Variants in OLFM3 observed in about 807,000 individuals in gnomAD.
The protein encoded by OLFM3 is olfactomedin 3.
A neutral mutation model predicts 48.6 loss-of-function variants in OLFM3; 20 were observed. That is an observed-to-expected ratio of 0.41 (90% CI 0.29 to 0.60). OLFM3 has a LOEUF of 0.60. OLFM3 is among the 20% of genes least tolerant of loss of function. The pLI is 0.28. For missense variants in OLFM3, 437 were observed against 544.3 expected, an observed-to-expected ratio of 0.80 and a Z score of 1.96; for synonymous variants, 222 against 198.1, an observed-to-expected ratio of 1.12 and a Z score of -1.01.
In OLFM3 at chr1:101,836,869, G is replaced by C; in HGVS notation, c.216+10C>G. The stretch of plus-strand genomic sequence containing the variant: ...ACTAAAAATATGCATAGGGGACACA[G>C]GACACCTACCTTTTCCAGTAGTTGG... On this transcript the variant is annotated intron_variant, in intron 2 of 5. Coordinates refer to ENST00000370103, the MANE Select transcript of OLFM3 (RefSeq NM_058170.4). 6.2e-7 allele frequency: 1 copy of C among 1,613,768 alleles called. No homozygotes were observed. Among genetic ancestry groups the C allele is most frequent in the Non-Finnish European group, 8.5e-7 (1 of 1,179,726 alleles).
chr1:101,930,296 C>T (rs1431640799), intron 1 of OLFM3, among the ~76,000 whole-genome samples: 1 of 152,102 alleles, frequency 6.6e-6, no homozygotes, highest in Non-Finnish European at 1.5e-5. Flanking sequence ...TGGCATCTTA[C>T]AGTGCAAGGA....
At chr1:101,920,755 T>C (rs185887852) in intron 1 of OLFM3, among the ~76,000 whole-genome samples, 3 of 152,342 alleles carry the variant, frequency 2.0e-5, no homozygotes, top group African/African-American at 7.2e-5. Flanking sequence ...GAGTTGTCTC[T>C]GGTGCTTTAG....
intron 1 of OLFM3, among the ~76,000 whole-genome samples, chr1:101,844,737 C>T (rs1439812463): frequency 6.6e-6 from 1 of 152,070 alleles, no homozygotes; most frequent in African/African-American, 2.4e-5. Flanking sequence ...TATTATCTGA[C>T]TTAAGACCTC....
chr1:101,823,721 T>A (rs1440743518), intron 4 of OLFM3, among the ~76,000 whole-genome samples: 1 of 151,844 alleles, frequency 6.6e-6, no homozygotes, highest in Non-Finnish European at 1.5e-5. Context: ...AAAACTGGAG[T>A]CACAGAATCT....
At chr1:101,817,103 A>T (rs953566176) in intron 4 of OLFM3, among the ~76,000 whole-genome samples, 2 of 152,158 alleles carry the variant, frequency 1.3e-5, no homozygotes, top group Non-Finnish European at 2.9e-5. Flanking sequence ...AAACAATAAG[A>T]GTCATTTTTT....
intron 1 of OLFM3, among the ~76,000 whole-genome samples, chr1:101,891,412 T>G (rs1393888131): frequency 6.6e-6 from 1 of 151,944 alleles, no homozygotes; most frequent in Non-Finnish European, 1.5e-5. Flanking sequence ...AACATGCTAG[T>G]TATTACTATA....
chr1:101,980,449 T>C (rs1239303367), intron 1 of OLFM3, among the ~76,000 whole-genome samples: 2 of 151,954 alleles, frequency 1.3e-5, no homozygotes, highest in East Asian at 3.9e-4. Context: ...TGATAGTGAG[T>C]GAGTTCTCAT....
intron 1 of OLFM3, among the ~76,000 whole-genome samples, chr1:101,860,655 A>T (rs1318706995): frequency 1.3e-5 from 2 of 152,026 alleles, no homozygotes; most frequent in African/African-American, 2.4e-5. Flanking sequence ...TAACACTTCC[A>T]TCAACTTCAT....
intron 1 of OLFM3, among the ~76,000 whole-genome samples, chr1:101,929,318 T>C (rs1343859562): frequency 6.6e-6 from 1 of 152,090 alleles, no homozygotes; most frequent in Non-Finnish European, 1.5e-5. Context: ...AATGCAGAGG[T>C]ATTTTGGGAA....
intron 1 of OLFM3, among the ~76,000 whole-genome samples, chr1:101,930,753 T>C (rs1476636483): frequency 6.6e-6 from 1 of 152,232 alleles, no homozygotes; most frequent in African/African-American, 2.4e-5. Flanking sequence ...TTATGATCTT[T>C]CCTTTGCAGA....
intron 1 of OLFM3, among the ~76,000 whole-genome samples, chr1:101,856,949 G>T (rs577451427): frequency 1.3e-5 from 2 of 152,076 alleles, no homozygotes; most frequent in South Asian, 2.1e-4. Context: ...GGTCAGGAAA[G>T]ACCACAGTGG....
rs190113567 is a variant in OLFM3, at chr1:101,868,278, G to A, written c.70-31253C>T. On this transcript the variant is annotated intron_variant, in intron 1 of 5. Transcript: ENST00000370103. ...AGGGCTCAGAAGAAGATATGAACAC[G>A]TAGAGAAGTTTGGAACTTTCCAGAG... 3.4e-3 allele frequency among the ~76,000 whole-genome samples: 524 copies of A among 152,290 alleles called. 4 individuals are homozygous for A. The highest frequency in any genetic ancestry group is 0.012 in the African/African-American group (489 of 41,574).
chr1:101,804,792 G>A lies in OLFM3; in HGVS notation c.823C>T (p.His275Tyr). The A allele has an allele frequency of 6.2e-7, 1 of 1,612,568 alleles. No homozygotes were observed. The highest frequency in any genetic ancestry group is 8.5e-7 in the Non-Finnish European group (1 of 1,179,074). ...TAGAGTGAGCCATTGTAGACAACATGGTTAGTTCCTGCCCACTTGAAAGGA... is the reference window on the plus strand; with the variant it reads ...TAGAGTGAGCCATTGTAGACAACATAGTTAGTTCCTGCCCACTTGAAAGGA... Reference protein sequence around the residue: ...NLPFKWAGTNHVVYNGSLYFN... With the variant: ...NLPFKWAGTNYVVYNGSLYFN... Residue 275 changes from histidine (H) to tyrosine (Y), a missense_variant, in exon 6 of 6, where the codon CAT becomes TAT. His to Tyr is a moderately conservative substitution (Grantham distance 83). Around this residue, in one of 3 missense-constraint regions of OLFM3, gnomAD observed 314 missense variants for 365.5 expected, o/e 0.86. Coordinates refer to ENST00000370103, the MANE Select transcript of OLFM3 (RefSeq NM_058170.4). The surrounding 1 kb of genome is among the most constrained non-coding windows in gnomAD (Gnocchi z 4.5).
At chr1:101,986,052 G>A (rs1661225875) in intron 1 of OLFM3, among the ~76,000 whole-genome samples, 1 of 147,826 alleles carries the variant, frequency 6.8e-6, no homozygotes, top group Non-Finnish European at 1.5e-5. Flanking sequence ...TGCAAGCTCC[G>A]CCTCCCGGGT....
chr1:101,976,387 T>C (rs1660952343), intron 1 of OLFM3, among the ~76,000 whole-genome samples: 1 of 152,176 alleles, frequency 6.6e-6, no homozygotes, highest in Non-Finnish European at 1.5e-5. Context: ...TATTGCTGAT[T>C]TTTAGCTGCA....
intron 4 of OLFM3, among the ~76,000 whole-genome samples, chr1:101,821,619 A>AACC (rs1256243540): frequency 7.2e-5 from 11 of 152,080 alleles, no homozygotes; most frequent in Non-Finnish European, 1.6e-4. Flanking sequence ...AGTAAAAACT[A>AACC]ACCAGTTATT....
chr1:101,817,694 C>A (rs1654404380), intron 4 of OLFM3, among the ~76,000 whole-genome samples: 1 of 151,942 alleles, frequency 6.6e-6, no homozygotes, highest in South Asian at 2.1e-4. Flanking sequence ...TAAGGCTATG[C>A]CCTTATAAAC....
intron 1 of OLFM3, among the ~76,000 whole-genome samples, chr1:101,880,363 T>C (rs2100989307): frequency 6.6e-6 from 1 of 151,866 alleles, no homozygotes; most frequent in South Asian, 2.1e-4. Flanking sequence ...AAAAAAAGAG[T>C]TATACATAAT....
chr1:101,926,200 G>A (rs1033579893), intron 1 of OLFM3, among the ~76,000 whole-genome samples: 9 of 152,144 alleles, frequency 5.9e-5, no homozygotes, highest in Admixed American at 2.0e-4. Flanking sequence ...AGCCAAGTAA[G>A]CCGTATTCAA....
Sources: gnomAD v4.1 joint callset for allele counts (sites outside exome capture counted in the v4.1 genomes callset) on GRCh38, gnomAD v4.1.1 for gene constraint, gnomAD v4.1.1 regional missense constraint, Gnocchi (gnomAD v3.1) non-coding constraint, MANE v1.5 for transcripts, NCBI Gene and HGNC (gene_info 2026-07-23, HGNC 2026-07-21) for gene names.